CERS6: variants seen among roughly 807,000 people sequenced by gnomAD.
CERS6 encodes LAG1 homolog, ceramide synthase 6.
A neutral mutation model predicts 56.8 loss-of-function variants in CERS6; 26 were observed. That is an observed-to-expected ratio of 0.46 (90% confidence interval 0.34 to 0.63). The LOEUF (loss-of-function observed/expected upper bound fraction) is 0.63. CERS6 is among the 30% of genes least tolerant of loss of function. CERS6 has a pLI of 0.01. For missense variants in CERS6, 415 were observed against 467.5 expected (o/e 0.89, Z 1.04); for synonymous variants, 164 against 173.3 (o/e 0.95, Z 0.42).
intron 6 of CERS6, among the ~76,000 whole-genome samples, chr2:168,712,445 T>C (rs563435369): frequency 6.6e-6 from 1 of 152,346 alleles, no homozygotes; most frequent in African/African-American, 2.4e-5. Flanking sequence ...AGAGTACTTA[T>C]AAGTGCTTTG....
intron 1 of CERS6, among the ~76,000 whole-genome samples, chr2:168,464,177 TGTGTGTGTG>T (rs1693828981): frequency 1.0e-5 from 1 of 95,926 alleles, no homozygotes; most frequent in Non-Finnish European, 2.3e-5. Flanking sequence ...ATACTTTTTG[TGTGTGTGTG>T]TGTGTGTGTG....
At chr2:168,666,269 G>A (rs115782074) in intron 4 of CERS6, among the ~76,000 whole-genome samples, 76 of 152,232 alleles carry the variant, frequency 5.0e-4, no homozygotes, top group Non-Finnish European at 9.4e-4. Context: ...ACACTGTCAT[G>A]GAGAGTAGCA....
chr2:168,459,426 C>G (rs1428419081), intron 1 of CERS6, among the ~76,000 whole-genome samples: 1 of 152,198 alleles, frequency 6.6e-6, no homozygotes, highest in Admixed American at 6.5e-5. Flanking sequence ...CAGAACATGT[C>G]ACTTTATGAC....
At chr2:168,622,148 C>T (rs1192440491) in intron 3 of CERS6, among the ~76,000 whole-genome samples, 2 of 152,138 alleles carry the variant, frequency 1.3e-5, no homozygotes, top group Non-Finnish European at 1.5e-5. Flanking sequence ...CTAAAGCTCC[C>T]CATATACCCT....
intron 1 of CERS6, among the ~76,000 whole-genome samples, chr2:168,504,963 AGCCAGGT>A (rs1034275405): frequency 2.0e-5 from 3 of 152,168 alleles, no homozygotes; most frequent in Admixed American, 2.0e-4. Context: ...GTTCTCTTAA[AGCCAGGT>A]GCTGAGTGGC....
intron 7 of CERS6, among the ~76,000 whole-genome samples, 171 bp from the exon 8 acceptor site, chr2:168,717,701 A>G (rs1222028038): frequency 6.6e-6 from 1 of 152,204 alleles, no homozygotes; most frequent in East Asian, 1.9e-4. Context: ...GGTAATTTAT[A>G]AATACTGGTG....
chr2:168,613,109 C>T (rs568782536), intron 3 of CERS6, among the ~76,000 whole-genome samples: 2 of 152,008 alleles, frequency 1.3e-5, no homozygotes, highest in Admixed American at 6.6e-5. Context: ...GGGTTGAAGG[C>T]GAAGGAAGAC....
At chr2:168,510,173 A>G (rs1226596976) in intron 1 of CERS6, among the ~76,000 whole-genome samples, 1 of 152,142 alleles carries the variant, frequency 6.6e-6, no homozygotes, top group African/African-American at 2.4e-5. Flanking sequence ...TGTATTTAAA[A>G]AAAAGCATTT....
At chr2:168,673,373 A>C (rs1046337318) in intron 4 of CERS6, among the ~76,000 whole-genome samples, 1 of 152,164 alleles carries the variant, frequency 6.6e-6, no homozygotes, top group Non-Finnish European at 1.5e-5. Flanking sequence ...CAGTGATTCA[A>C]AAGTCTAAAT....
In CERS6 at chr2:168,456,301, G is replaced by A. The variant is rs879825428; in HGVS notation, c.-148G>A. On this transcript the variant is annotated 5_prime_UTR_variant, in exon 1 of 10. Coordinates refer to ENST00000305747, the MANE Select transcript of CERS6 (RefSeq NM_203463.3). The surrounding 1 kb of genome is among the most constrained non-coding windows in gnomAD (Gnocchi z 4.1). ...CTCGCCGCGAGCCTTCGAGAGCAGCGGCCGCGGAGGAGGCGGCGGCGGCGG... is the reference window on the plus strand; with the variant it reads ...CTCGCCGCGAGCCTTCGAGAGCAGCAGCCGCGGAGGAGGCGGCGGCGGCGG... 1.7e-5 allele frequency: 5 copies of A among 295,382 alleles called. No homozygotes were observed. The highest frequency in any genetic ancestry group is 2.7e-5 in the Non-Finnish European group (5 of 183,472). The allele number at this position is 295,382 out of a possible 1,614,324, so 18.3% of individuals were successfully genotyped here.
At chr2:168,487,883 A>C (rs1370452192) in intron 1 of CERS6, among the ~76,000 whole-genome samples, 1 of 151,924 alleles carries the variant, frequency 6.6e-6, no homozygotes, top group South Asian at 2.1e-4. Context: ...CATCCAGTTA[A>C]TTTTTAAATT....
In CERS6 at chr2:168,475,223, T is replaced by TA. The variant is rs200074643; in HGVS notation, c.170+18613dup. On this transcript the variant is annotated intron_variant, in intron 1 of 9. Transcript: ENST00000305747. ...AAAATGTTCAAATATAGAGAAAAGC[T>TA]AAAAAAAAGTGCCACGAACACTCAT... is the stretch of plus-strand genomic sequence containing the variant. Among the ~76,000 whole-genome samples the TA allele has an allele frequency of 8.8e-3, 1,331 of 151,884 alleles. 15 individuals carry two copies. Among genetic ancestry groups the TA allele is most frequent in the Middle Eastern group, 0.02 (6 of 294 alleles).
chr2:168,663,395 TA>T (rs1054011885), intron 4 of CERS6, among the ~76,000 whole-genome samples: 2 of 152,078 alleles, frequency 1.3e-5, no homozygotes, highest in African/African-American at 4.8e-5. Context: ...ATGCAGAATT[TA>T]AAAAAACTAT....
chr2:168,584,352 T>C (rs1322904473), intron 3 of CERS6, among the ~76,000 whole-genome samples: 1 of 152,228 alleles, frequency 6.6e-6, no homozygotes, highest in Non-Finnish European at 1.5e-5. Flanking sequence ...AACCTTTTGC[T>C]GTTGGTTTTT....
chr2:168,466,531 A>G (rs1638601255), intron 1 of CERS6, among the ~76,000 whole-genome samples: 1 of 152,204 alleles, frequency 6.6e-6, no homozygotes, highest in Non-Finnish European at 1.5e-5. Flanking sequence ...CAAATGCTGC[A>G]TATTATAAAA....
intron 6 of CERS6, among the ~76,000 whole-genome samples, chr2:168,699,451 A>T (rs1686750205): frequency 1.3e-5 from 2 of 152,220 alleles, no homozygotes; most frequent in Admixed American, 1.3e-4. Context: ...AGGGACCAGG[A>T]TTTATAAACA....
intron 3 of CERS6, among the ~76,000 whole-genome samples, chr2:168,626,279 A>G (rs900547908): frequency 2.0e-5 from 3 of 152,308 alleles, no homozygotes; most frequent in Admixed American, 6.5e-5. Context: ...TGTAAATCAA[A>G]CGGCCCTCGT....
At position 168,700,724 on chromosome 2, in the gene CERS6, T is replaced by A. The variant is rs11680309; in HGVS notation, c.609+5673T>A. 2.0e-3 allele frequency among the ~76,000 whole-genome samples: 300 copies of A among 152,388 alleles called. 1 individual carries two copies. The highest frequency in any genetic ancestry group is 0.017 in the Middle Eastern group (5 of 294). On this transcript the variant is annotated intron_variant, in intron 6 of 9. Coordinates refer to ENST00000305747, the MANE Select transcript of CERS6 (RefSeq NM_203463.3). ...CCTTGAGCAAGTTACTTTACCTTTCTGTACGTTGGTTTCCTGATCCAAAGA... is the reference window on the plus strand; with the variant it reads ...CCTTGAGCAAGTTACTTTACCTTTCAGTACGTTGGTTTCCTGATCCAAAGA...
chr2:168,697,042 G>A (rs988396037), intron 6 of CERS6, among the ~76,000 whole-genome samples: 1 of 152,180 alleles, frequency 6.6e-6, no homozygotes, highest in African/African-American at 2.4e-5. Context: ...TGGTATCCAA[G>A]TGGCAGCTGA....
Sources: gnomAD v4.1 joint callset for allele counts (sites outside exome capture counted in the v4.1 genomes callset) on GRCh38, gnomAD v4.1.1 for gene constraint, Gnocchi (gnomAD v3.1) non-coding constraint, MANE v1.5 for transcripts, NCBI Gene and HGNC (gene_info 2026-07-23, HGNC 2026-07-21) for gene names.